The following PI4KA variants were observed in gnomAD, a reference collection of about 807,000 sequenced individuals.
PI4KA encodes phosphatidylinositol 4-kinase alpha.
A neutral mutation model predicts 271.4 loss-of-function variants in PI4KA; 122 were observed. That is an observed-to-expected ratio of 0.45 (90% CI 0.39 to 0.52). PI4KA has a LOEUF of 0.52. Ranked by LOEUF, PI4KA falls within the 20% of genes least tolerant of loss-of-function variation. PI4KA has a pLI of 0.00. For missense variants in PI4KA, 1,969 were observed against 2,769.1 expected, an observed-to-expected ratio of 0.71 and a Z score of 6.48; for synonymous variants, 1,041 against 1,078.8, an observed-to-expected ratio of 0.96 and a Z score of 0.69.
chr22:20,779,929 C>T (rs375270208), intron 19 of PI4KA: 20 of 1,614,102 alleles, frequency 1.2e-5, no homozygotes, highest in Non-Finnish European at 1.7e-5. Flanking sequence ...CGTAAGCTGA[C>T]TCATCGCCTC....
intron 1 of PI4KA, among the ~76,000 whole-genome samples, chr22:20,850,403 G>A (rs1393297933): frequency 1.3e-5 from 2 of 151,926 alleles, no homozygotes; most frequent in Non-Finnish European, 2.9e-5. Context: ...GCATGCTAAA[G>A]GAGTCCCCAT....
At chr22:20,715,330 C>T (rs1325066358) in intron 45 of PI4KA, among the ~76,000 whole-genome samples, 1 of 151,694 alleles carries the variant, frequency 6.6e-6, no homozygotes, top group African/African-American at 2.4e-5. Context: ...CTTGGCCTCC[C>T]AAGTGCTGGG....
At chr22:20,724,516 G>A (rs1391329287) in intron 42 of PI4KA, among the ~76,000 whole-genome samples, 1 of 151,748 alleles carries the variant, frequency 6.6e-6, no homozygotes, top group Non-Finnish European at 1.5e-5. Context: ...GCTGAGGCAG[G>A]AGAACTGCTT....
intron 32 of PI4KA, 82 bp downstream of exon 32, chr22:20,742,146 T>C: frequency 6.9e-7 from 1 of 1,452,100 alleles, no homozygotes; most frequent in Non-Finnish European, 9.4e-7. Context: ...TCTCCATGCT[T>C]GGTGGTGGCG....
In PI4KA at chr22:20,718,009, T is replaced by G. The variant is rs1344379756; in HGVS notation, c.5247-231A>C. On this transcript the variant is annotated intron_variant, in intron 44 of 54. Transcript: ENST00000255882. ...TCTGGCAGGCTCTGCCCCTGCTGTG[T>G]GCGGGGGTGTGTGGCTGGGGGTGGT... Among the ~76,000 whole-genome samples the G allele has an allele frequency of 4.6e-5, 7 of 152,118 alleles. No homozygotes were observed. The South Asian group carries it at 6.2e-4, about 14-fold the overall frequency.
At chr22:20,742,407 A>G in intron 31 of PI4KA, 52 bp from the exon 32 acceptor site, 1 of 1,597,484 alleles carries the variant, frequency 6.3e-7, no homozygotes, top group Non-Finnish European at 8.5e-7. Flanking sequence ...CTGAACCCCA[A>G]AACAGCTTCC....
At chr22:20,734,364 C>G in intron 33 of PI4KA, 31 bp downstream of exon 33, 1 of 1,527,352 alleles carries the variant, frequency 6.5e-7, no homozygotes, top group Non-Finnish European at 9.0e-7. Context: ...GTGGAGCACC[C>G]CACAGCCTTC....
At chr22:20,852,207 T>C (rs755978997) in intron 1 of PI4KA, among the ~76,000 whole-genome samples, 1 of 152,270 alleles carries the variant, frequency 6.6e-6, no homozygotes, top group East Asian at 1.9e-4. Context: ...ATGATGGAAA[T>C]AGCTGCTGGT....
intron 6 of PI4KA, among the ~76,000 whole-genome samples, chr22:20,818,825 A>G (rs139465491): frequency 1.3e-5 from 2 of 152,324 alleles, no homozygotes; most frequent in Non-Finnish European, 2.9e-5. Flanking sequence ...AGTCAATTAT[A>G]TACTTCTTAA....
intron 19 of PI4KA, among the ~76,000 whole-genome samples, chr22:20,790,854 A>C (rs1315263206): frequency 6.6e-6 from 1 of 152,020 alleles, no homozygotes; most frequent in Non-Finnish European, 1.5e-5. Flanking sequence ...AATAAAATCA[A>C]ATATTTGTTT....
chr22:20,779,620 C>A lies in PI4KA; in HGVS notation c.2328+13573G>T. 6.2e-7 allele frequency: 1 copy of A among 1,614,152 alleles called. No homozygotes were observed. The highest frequency in any genetic ancestry group is 8.5e-7 in the Non-Finnish European group (1 of 1,179,966). ...ATCGTCGACAGTCTGTCAGTTTCCC[C>A]GACAGACTCTGATGTGAGTGCTGGG... On this transcript the variant is annotated intron_variant, in intron 19 of 54. Coordinates refer to ENST00000255882, the MANE Select transcript of PI4KA (RefSeq NM_058004.4).
intron 3 of PI4KA, among the ~76,000 whole-genome samples, chr22:20,830,707 CTTGT>C (rs1336637743): frequency 1.3e-5 from 2 of 152,176 alleles, no homozygotes; most frequent in Admixed American, 1.3e-4. Flanking sequence ...ATTATGTAGG[CTTGT>C]TTGTGTGGTT....
intron 19 of PI4KA, among the ~76,000 whole-genome samples, chr22:20,790,451 A>G (rs1934555823): frequency 6.6e-6 from 1 of 152,140 alleles, no homozygotes; most frequent in Admixed American, 6.5e-5. Flanking sequence ...ACTTGAAACC[A>G]GGAGTTTGAG....
At chr22:20,844,488 A>G (rs4822606) in intron 1 of PI4KA, among the ~76,000 whole-genome samples, 21,857 of 152,164 alleles carry the variant, frequency 0.14, 1,891 homozygotes, top group East Asian at 0.36. Context: ...ATGTACAGTC[A>G]CTCCCTCATG....
intron 10 of PI4KA, among the ~76,000 whole-genome samples, chr22:20,805,471 G>A (rs1419905576): frequency 6.6e-6 from 1 of 152,152 alleles, no homozygotes; most frequent in Non-Finnish European, 1.5e-5. Context: ...AAATTGGGAA[G>A]TATCGTTGCT....
chr22:20,728,404 G>T (rs1018920901), intron 39 of PI4KA, among the ~76,000 whole-genome samples: 3 of 152,154 alleles, frequency 2.0e-5, no homozygotes, highest in African/African-American at 7.2e-5. Context: ...AAAGAAACAG[G>T]AATTTTTCTA....
intron 3 of PI4KA, among the ~76,000 whole-genome samples, chr22:20,832,014 C>A (rs923870214): frequency 1.1e-4 from 16 of 151,512 alleles, no homozygotes; most frequent in Non-Finnish European, 1.9e-4. Context: ...GGTGTTCATT[C>A]TTTATTTTCT....
chr22:20,840,784 G>A (rs1925450412), intron 1 of PI4KA, among the ~76,000 whole-genome samples: 1 of 152,020 alleles, frequency 6.6e-6, no homozygotes, highest in African/African-American at 2.4e-5. Flanking sequence ...GGAAGGCCGA[G>A]GCAGGAGGAT....
At chr22:20,747,757 C>T in intron 28 of PI4KA, 55 bp from the exon 29 acceptor site, 1 of 1,569,418 alleles carries the variant, frequency 6.4e-7, no homozygotes, top group Non-Finnish European at 8.7e-7. Context: ...TTTTTAGAGG[C>T]AGGGTCTCGC....
Sources: gnomAD v4.1 joint callset for allele counts (sites outside exome capture counted in the v4.1 genomes callset) on GRCh38, gnomAD v4.1.1 for gene constraint, MANE v1.5 for transcripts, NCBI Gene and HGNC (gene_info 2026-07-23, HGNC 2026-07-21) for gene names.